The following EIF2B3 variants were observed in gnomAD, a reference collection of about 807,000 sequenced individuals.
The protein encoded by EIF2B3 is translation initiation factor eIF2B subunit gamma.
A neutral mutation model predicts 54.1 loss-of-function variants in EIF2B3; 20 were observed. The ratio of observed to expected loss-of-function variants is 0.37; its 90% confidence interval spans 0.26 to 0.54. The LOEUF (loss-of-function observed/expected upper bound fraction) is 0.54. Among genes scored for constraint, EIF2B3 ranks in the 20% least tolerant of loss-of-function variants. The probability of loss-of-function intolerance (pLI) is 0.86; values close to 1 mark genes in which losing one functional copy is unlikely to be tolerated. For missense variants in EIF2B3, 448 were observed against 547.8 expected, an observed-to-expected ratio of 0.82 and a Z score of 1.82; for synonymous variants, 153 against 188.1, an observed-to-expected ratio of 0.81 and a Z score of 1.52.
intron 10 of EIF2B3, among the ~76,000 whole-genome samples, chr1:44,862,648 T>C (rs1306302756): frequency 6.6e-6 from 1 of 152,202 alleles, no homozygotes; most frequent in African/African-American, 2.4e-5. Flanking sequence ...TTTTTTGAGA[T>C]GGAGTCTCAC....
At chr1:44,865,707 C>T (rs868843985) in intron 10 of EIF2B3, among the ~76,000 whole-genome samples, 1 of 151,922 alleles carries the variant, frequency 6.6e-6, no homozygotes, top group Admixed American at 6.6e-5. Context: ...CTCAGCCAAC[C>T]AAGTAGCTGG....
chr1:44,961,086 A>C (rs1461333772), intron 3 of EIF2B3, among the ~76,000 whole-genome samples: 1 of 152,024 alleles, frequency 6.6e-6, no homozygotes, highest in Non-Finnish European at 1.5e-5. Context: ...TTGTCATCCT[A>C]GCAGTCTGGG....
At chr1:44,979,931 A>G (rs1201903514) in intron 2 of EIF2B3, among the ~76,000 whole-genome samples, 1 of 152,018 alleles carries the variant, frequency 6.6e-6, no homozygotes, top group African/African-American at 2.4e-5. Flanking sequence ...ACACCACTGT[A>G]CTCCAGCCTG....
intron 3 of EIF2B3, chr1:44,958,831 C>A: frequency 9.7e-7 from 1 of 1,029,452 alleles, no homozygotes; most frequent in Non-Finnish European, 1.5e-6. Flanking sequence ...AGCTCCTGAG[C>A]AGTGGGCTTC....
intron 6 of EIF2B3, among the ~76,000 whole-genome samples, chr1:44,893,483 G>T (rs1031290163): frequency 1.3e-5 from 2 of 152,200 alleles, no homozygotes. Flanking sequence ...CAATTAAACA[G>T]TGATGGATTT....
At chr1:44,963,235 A>AC (rs1312524987) in intron 3 of EIF2B3, among the ~76,000 whole-genome samples, 15 of 151,918 alleles carry the variant, frequency 9.9e-5, no homozygotes, top group African/African-American at 3.6e-4. Flanking sequence ...CAAAAACAAA[A>AC]AAAACAAAAC....
chr1:44,854,043 C>T (rs1386247181), intron 11 of EIF2B3, among the ~76,000 whole-genome samples: 3 of 145,232 alleles, frequency 2.1e-5, no homozygotes, highest in Non-Finnish European at 4.4e-5. Flanking sequence ...TGCTCTGTTG[C>T]CCAGGCTGGA....
intron 3 of EIF2B3, among the ~76,000 whole-genome samples, chr1:44,964,622 A>G (rs933421263): frequency 2.0e-5 from 3 of 152,230 alleles, no homozygotes; most frequent in Non-Finnish European, 2.9e-5. Flanking sequence ...AAGACATAAC[A>G]ATAGTCCTTT....
At chr1:44,919,282 G>A (rs1475890159) in intron 5 of EIF2B3, among the ~76,000 whole-genome samples, 2 of 151,788 alleles carry the variant, frequency 1.3e-5, no homozygotes, top group Non-Finnish European at 2.9e-5. Flanking sequence ...CCCAGGAGGT[G>A]GAGGTTGCAG....
chr1:44,951,041 T>TA (rs958085430), intron 3 of EIF2B3, among the ~76,000 whole-genome samples: 43 of 152,300 alleles, frequency 2.8e-4, no homozygotes, highest in African/African-American at 1.0e-3. Flanking sequence ...CTCTGTTTTT[T>TA]AAAAAAATTA....
rs147773599 is a variant in EIF2B3 at position 44,926,730 on chromosome 1, C to T, written c.464G>A (p.Arg155His). The change falls in exon 5 of 12, where the codon CGT becomes CAT. Residue 155 changes from arginine to histidine, a missense_variant. Transcript: ENST00000360403. ...TGTGCTGTCCACTCCAATGAAGTCA[C>T]GCTGCTCCACTGAATCATACAAAAG... ...QKGKKKAVEQ[R>H]DFIGVDSTGK... 6.6e-4 allele frequency: 1,062 copies of T among 1,613,098 alleles called. 2 individuals are homozygous for T. Among genetic ancestry groups the T allele is most frequent in the Non-Finnish European group, 8.7e-4 (1,031 of 1,179,772 alleles).
At chr1:44,937,355 A>C (rs1643959643) in intron 4 of EIF2B3, 1 of 152,226 alleles carries the variant, frequency 6.6e-6, no homozygotes, top group African/African-American at 2.4e-5. Context: ...GGTGCTGGGA[A>C]TAAAATAAAC....
At chr1:44,890,382 T>A (rs936612416) in intron 6 of EIF2B3, among the ~76,000 whole-genome samples, 3 of 152,198 alleles carry the variant, frequency 2.0e-5, no homozygotes, top group African/African-American at 7.2e-5. Flanking sequence ...ATATGTTATG[T>A]GTGTGATGCT....
chr1:44,931,848 G>A (rs1187631030), intron 4 of EIF2B3, among the ~76,000 whole-genome samples: 1 of 152,216 alleles, frequency 6.6e-6, no homozygotes, highest in Non-Finnish European at 1.5e-5. Flanking sequence ...TGGGCATGGT[G>A]GCTCACGCCT....
chr1:44,958,348 A>G (rs1400536308), intron 3 of EIF2B3, among the ~76,000 whole-genome samples: 1 of 152,234 alleles, frequency 6.6e-6, no homozygotes, highest in Non-Finnish European at 1.5e-5. Context: ...GGTAATTGAT[A>G]GATCCTGTGG....
chr1:44,875,731 A>C (rs200686821), intron 8 of EIF2B3, 36 bp from the exon 9 acceptor site: 52 of 1,565,168 alleles, frequency 3.3e-5, no homozygotes, highest in Non-Finnish European at 4.6e-5. Flanking sequence ...AAGATCAGAA[A>C]ACACCTTAGG....
In EIF2B3 at chr1:44,969,623, A is replaced by C. The variant is rs562325838; in HGVS notation, c.294+8692T>G. On this transcript the variant is annotated intron_variant, in intron 3 of 11. Coordinates refer to ENST00000360403, the MANE Select transcript of EIF2B3 (RefSeq NM_020365.5). Reference sequence around the variant, plus strand: ...TATGTCTAAGATTTGCTTCAAAAGAATATGGGAGAAAGCAAGTTGGGTAAA... The same window carrying C: ...TATGTCTAAGATTTGCTTCAAAAGACTATGGGAGAAAGCAAGTTGGGTAAA... Among the ~76,000 whole-genome samples, 5 of 152,322 alleles carry C rather than the reference A, an allele frequency of 3.3e-5. No homozygotes were observed. The South Asian group carries it at 8.3e-4, about 25-fold the overall frequency.
intron 1 of EIF2B3, among the ~76,000 whole-genome samples, chr1:44,986,149 T>A (rs1479478146): frequency 6.6e-6 from 1 of 151,310 alleles, no homozygotes; most frequent in Admixed American, 6.6e-5. Context: ...TTTTTTTTTT[T>A]TTTTTTGAAA....
chr1:44,862,174 C>T (rs773521921), intron 10 of EIF2B3, among the ~76,000 whole-genome samples: 14 of 152,194 alleles, frequency 9.2e-5, no homozygotes, highest in Non-Finnish European at 1.3e-4. Context: ...ACTAGAATTA[C>T]AGCTTCTGCA....
Sources: allele counts gnomAD v4.1 joint callset (sites outside exome capture counted in the v4.1 genomes callset), GRCh38; gene constraint gnomAD v4.1.1; transcripts MANE v1.5; gene names NCBI Gene and HGNC (gene_info 2026-07-23, HGNC 2026-07-21).